TYW3: variants seen among roughly 807,000 people sequenced by gnomAD.
The protein encoded by TYW3 is tRNA-yW synthesizing protein 3 homolog.
In TYW3, 26 loss-of-function variants were observed where a neutral mutation model predicts 23.1. That is an observed-to-expected ratio of 1.13 (90% CI 0.83 to 1.56). TYW3 has a LOEUF of 1.56. Among genes scored for constraint, TYW3 ranks in the 40% most tolerant of loss-of-function variants. The pLI is 0.00. For missense variants in TYW3, 316 were observed against 311.9 expected (o/e 1.01, Z -0.10); for synonymous variants, 102 against 105.7 (o/e 0.97, Z 0.21).
intron 3 of TYW3, among the ~76,000 whole-genome samples, chr1:74,747,571 A>G (rs1648608406): frequency 6.7e-6 from 1 of 148,524 alleles, no homozygotes; most frequent in Admixed American, 6.7e-5. Flanking sequence ...CGGGAGGCGG[A>G]GCTTGCTGTG....
rs140707018 is a variant in TYW3, at chr1:74,764,046, A to G, written c.713A>G (p.Glu238Gly). The change falls in exon 6 of 6, where the codon GAA (glutamate) becomes GGA (glycine). Residue 238 changes from glutamate to glycine, a missense_variant. Physicochemically the swap from Glu to Gly is moderately conservative, Grantham distance 98. Transcript: ENST00000370867. The stretch of plus-strand genomic sequence containing the variant: ...CAGTGTATTACTAAAGAAAGTGATG[A>G]AGAACTTGAAAATGATGATGATGAT... Reference protein sequence around the residue: ...RAQCITKESDEELENDDDDDL... With the variant: ...RAQCITKESDGELENDDDDDL... The G allele has an allele frequency of 6.2e-7, 1 of 1,613,254 alleles. No individual in the cohort carries two copies. Among genetic ancestry groups the G allele is most frequent in the Non-Finnish European group, 8.5e-7 (1 of 1,179,642 alleles).
At chr1:74,733,473 G>C in intron 1 of TYW3, 55 bp downstream of exon 1, 1 of 1,593,410 alleles carries the variant, frequency 6.3e-7, no homozygotes, top group Non-Finnish European at 8.5e-7. Flanking sequence ...AACTTCAGGA[G>C]CCCTGTTCCC....
At chr1:74,757,208 G>T (rs1038968829) in intron 5 of TYW3, among the ~76,000 whole-genome samples, 2 of 152,208 alleles carry the variant, frequency 1.3e-5, no homozygotes, top group African/African-American at 4.8e-5. Flanking sequence ...AATGCCTAGT[G>T]GAGCTGTGAG....
At chr1:74,750,774 T>TTCC (rs1413015559) in intron 4 of TYW3, among the ~76,000 whole-genome samples, 1 of 151,130 alleles carries the variant, frequency 6.6e-6, no homozygotes, top group African/African-American at 2.4e-5. Flanking sequence ...GCTGGAGTTC[T>TTCC]TCCTCTCCCT....
chr1:74,738,830 G>T, intron 3 of TYW3, 42 bp downstream of exon 3: 1 of 1,479,364 alleles, frequency 6.8e-7, no homozygotes, highest in Non-Finnish European at 9.4e-7. Flanking sequence ...ATAGATATGT[G>T]GGTAGATGTA....
chr1:74,758,369 C>G (rs1401388004), intron 5 of TYW3, among the ~76,000 whole-genome samples: 1 of 152,224 alleles, frequency 6.6e-6, no homozygotes, highest in African/African-American at 2.4e-5. Flanking sequence ...TTACCTTATT[C>G]TAAATCCCCC....
chr1:74,752,360 A>T lies in TYW3; in HGVS notation c.495A>T (p.Glu165Asp). The change falls in exon 5 of 6, where the codon GAA becomes GAT. Residue 165 changes from glutamate to aspartate, a missense_variant. Transcript: ENST00000370867. ...AGGGAAAACTGATGGTGACAGAGGAATATATTGACTTCCTGTTAAATGTGG... is the reference window on the plus strand; with the variant it reads ...AGGGAAAACTGATGGTGACAGAGGATTATATTGACTTCCTGTTAAATGTGG... ...SHKGKLMVTEEYIDFLLNVAN... is the reference protein window; with the variant it reads ...SHKGKLMVTEDYIDFLLNVAN... 1 of 1,613,722 alleles carries T rather than the reference A, an allele frequency of 6.2e-7. No individual in the cohort carries two copies. The highest frequency in any genetic ancestry group is 8.5e-7 in the Non-Finnish European group (1 of 1,179,786).
At chr1:74,738,829 T>A (rs1412008902) in intron 3 of TYW3, 41 bp downstream of exon 3, 1 of 1,483,956 alleles carries the variant, frequency 6.7e-7, no homozygotes, top group South Asian at 1.2e-5. Context: ...TATAGATATG[T>A]GGGTAGATGT....
At position 74,744,733 on chromosome 1, in the gene TYW3, A is replaced by G. The variant is rs182615827; in HGVS notation, c.355-4018A>G. On this transcript the variant is annotated intron_variant, in intron 3 of 5. Transcript: ENST00000370867. ...TTCAAGAATGAAGTTGCAGACACTC[A>G]TGGTGAGTGTTACAGTTCTTAAAGA... Among the ~76,000 whole-genome samples the G allele has an allele frequency of 7.5e-4, 114 of 152,278 alleles. 1 individual carries two copies. The highest frequency in any genetic ancestry group is 6.0e-3 in the South Asian group (29 of 4,824).
Position 74,763,912 on chromosome 1 carries a change from G to C in TYW3, c.579G>C (p.Gln193His). 1 of 1,602,034 alleles carries C rather than the reference G, an allele frequency of 6.2e-7. No homozygotes were observed. The highest frequency in any genetic ancestry group is 8.5e-7 in the Non-Finnish European group (1 of 1,176,958). The change falls in exon 6 of 6, where the codon CAG becomes CAC. Residue 193 changes from glutamine (Q) to histidine (H), a missense_variant. Physicochemically the swap from Gln to His is conservative, Grantham distance 24. Coordinates refer to ENST00000370867, the MANE Select transcript of TYW3 (RefSeq NM_138467.3). ...TTCACAGGTTTTACAACTGCCTACA[G>C]CATGCTTTGGAAAGGGAAACGATGA... ...KRIERFYNCL[Q>H]HALERETMTN... is the part of the protein sequence containing the mutation.
At chr1:74,760,492 T>G (rs1649105374) in intron 5 of TYW3, among the ~76,000 whole-genome samples, 1 of 152,214 alleles carries the variant, frequency 6.6e-6, no homozygotes, top group Non-Finnish European at 1.5e-5. Flanking sequence ...CTTAGCACAT[T>G]GTCAGCTTCC....
At chr1:74,756,897 C>T (rs1383051679) in intron 5 of TYW3, among the ~76,000 whole-genome samples, 1 of 152,220 alleles carries the variant, frequency 6.6e-6, no homozygotes, top group African/African-American at 2.4e-5. Context: ...ACTTGGTGCC[C>T]TGTGTCCCAG....
chr1:74,743,502 G>A (rs1570058594), intron 3 of TYW3, among the ~76,000 whole-genome samples: 1 of 152,104 alleles, frequency 6.6e-6, no homozygotes, highest in Admixed American at 6.5e-5. Flanking sequence ...TGACAGGGGA[G>A]TATATTTTCT....
At chr1:74,747,205 G>A (rs1020952765) in intron 3 of TYW3, among the ~76,000 whole-genome samples, 8 of 152,200 alleles carry the variant, frequency 5.3e-5, no homozygotes, top group Admixed American at 1.3e-4. Flanking sequence ...GATGTGGCAA[G>A]AGCTGGATTA....
intron 1 of TYW3, among the ~76,000 whole-genome samples, chr1:74,734,354 A>G (rs964806314): frequency 2.0e-5 from 3 of 152,174 alleles, no homozygotes; most frequent in African/African-American, 7.2e-5. Flanking sequence ...CTGTGGTGGT[A>G]TCACAGTGCT....
intron 3 of TYW3, 47 bp from the exon 4 acceptor site, chr1:74,748,704 C>G (rs759739352): frequency 1.3e-6 from 2 of 1,559,442 alleles, no homozygotes; most frequent in Non-Finnish European, 1.8e-6. Flanking sequence ...AACAGATGAT[C>G]TGGTTACCCA....
chr1:74,755,647 A>G lies in TYW3; in HGVS notation c.560+3222A>G, dbSNP rs147659630. On this transcript the variant is annotated intron_variant, in intron 5 of 5. Transcript: ENST00000370867. Reference sequence around the variant, plus strand: ...CTGCTCTGAACATCATTGTACAAGTATCTGAGTCACTGCTTTCAGTTCTGT... The same window carrying G: ...CTGCTCTGAACATCATTGTACAAGTGTCTGAGTCACTGCTTTCAGTTCTGT... Among the ~76,000 whole-genome samples the G allele has an allele frequency of 2.4e-4, 36 of 152,324 alleles. No homozygotes were observed. In the East Asian group the frequency reaches 6.7e-3, roughly 29 times the overall value.
chr1:74,733,520 C>T lies in TYW3; in HGVS notation c.174+102C>T. 4 of 1,504,402 alleles carry T rather than the reference C, an allele frequency of 2.7e-6. No homozygotes were observed. The South Asian group carries it at 5.4e-5, about 20-fold the overall frequency. The allele number at this position is 1,504,402 out of a possible 1,614,324, so 93.2% of individuals were successfully genotyped here. On this transcript the variant is annotated intron_variant, in intron 1 of 5. Coordinates refer to ENST00000370867, the MANE Select transcript of TYW3 (RefSeq NM_138467.3). ...ACCGGATCCAGCATGTCTGTGTTTG[C>T]TCCTCTGAGGGGTGGTCTCTGTTTC...
intron 2 of TYW3, among the ~76,000 whole-genome samples, chr1:74,736,923 T>C (rs1648175763): frequency 6.6e-6 from 1 of 152,240 alleles, no homozygotes; most frequent in Admixed American, 6.5e-5. Flanking sequence ...GAAAACCCTG[T>C]AACCTAGAAC....
Sources: allele counts gnomAD v4.1 joint callset (sites outside exome capture counted in the v4.1 genomes callset), GRCh38; gene constraint gnomAD v4.1.1; transcripts MANE v1.5; gene names NCBI Gene and HGNC (gene_info 2026-07-23, HGNC 2026-07-21).